HYDIN: variants seen among roughly 807,000 people sequenced by gnomAD.
HYDIN encodes the protein axonemal central pair apparatus protein HYDIN.
Under a neutral mutation model 403.9 loss-of-function variants are expected in HYDIN, and 132 were observed. The observed-to-expected ratio is 0.33, with a 90% CI of 0.28 to 0.38. The LOEUF (loss-of-function observed/expected upper bound fraction) is 0.38. Ranked by LOEUF, HYDIN falls within the 10% of genes least tolerant of loss-of-function variation. The probability of loss-of-function intolerance (pLI) is 1.00; values close to 1 mark genes in which losing one functional copy is unlikely to be tolerated. For missense variants in HYDIN, 2,827 were observed against 5,009.5 expected (o/e 0.56, Z 13.15); for synonymous variants, 1,202 against 1,891.7 (o/e 0.64, Z 9.46).
At chr16:70,968,694 A>C (rs1047322032) in intron 36 of HYDIN, among the ~76,000 whole-genome samples, 5 of 152,166 alleles carry the variant, frequency 3.3e-5, no homozygotes, top group Non-Finnish European at 5.9e-5. Context: ...AACAAAATTT[A>C]AATAAGGTCC....
At chr16:70,877,051 TATA>T (rs1454681604) in intron 62 of HYDIN, among the ~76,000 whole-genome samples, 2 of 150,600 alleles carry the variant, frequency 1.3e-5, no homozygotes, top group East Asian at 3.9e-4. Context: ...GACTGAAAAA[TATA>T]ATAACTTAAG....
chr16:71,040,685 A>G (rs1483953676), intron 18 of HYDIN, among the ~76,000 whole-genome samples: 1 of 112,074 alleles, frequency 8.9e-6, no homozygotes, highest in East Asian at 2.4e-4. Flanking sequence ...GCGGCCCACA[A>G]TCCAGACTGG....
At chr16:70,982,450 A>G (rs1157947624) in intron 28 of HYDIN, among the ~76,000 whole-genome samples, 3 of 150,432 alleles carry the variant, frequency 2.0e-5, no homozygotes, top group Non-Finnish European at 2.9e-5. Flanking sequence ...AGAAATGCCC[A>G]TTTATTTATT....
At chr16:71,175,519 C>T in intron 5 of HYDIN, 88 bp downstream of exon 5, 2 of 1,369,906 alleles carry the variant, frequency 1.5e-6, no homozygotes, top group Non-Finnish European at 2.0e-6. Context: ...CCACCACCAC[C>T]ACCAGCACTA....
intron 45 of HYDIN, 136 bp from the exon 46 acceptor site, chr16:70,921,353 T>G: frequency 9.6e-6 from 7 of 725,790 alleles, no homozygotes; most frequent in Non-Finnish European, 1.6e-5. Context: ...CACGCTAAGG[T>G]TGTGCCTGGG....
chr16:71,007,943 G>A (rs1182888452), intron 23 of HYDIN, among the ~76,000 whole-genome samples: 1 of 150,892 alleles, frequency 6.6e-6, no homozygotes, highest in African/African-American at 2.5e-5. Flanking sequence ...TAAAGAAAAT[G>A]TGGTACATAA....
intron 29 of HYDIN, among the ~76,000 whole-genome samples, chr16:70,981,108 A>G (rs1469642929): frequency 6.6e-6 from 1 of 151,954 alleles, no homozygotes; most frequent in Non-Finnish European, 1.5e-5. Context: ...GCCAGAAGGA[A>G]AGTGCATGGG....
chr16:71,158,647 G>C (rs1355005788), intron 6 of HYDIN, among the ~76,000 whole-genome samples: 1 of 143,192 alleles, frequency 7.0e-6, no homozygotes, highest in Non-Finnish European at 1.5e-5. Flanking sequence ...AATGGTGGTT[G>C]TGGGAGACCA....
At chr16:70,932,390 C>A (rs1279656998) in intron 45 of HYDIN, among the ~76,000 whole-genome samples, 12 of 151,942 alleles carry the variant, frequency 7.9e-5, no homozygotes. Flanking sequence ...CAAAAACATA[C>A]CCACACATAA....
At chr16:71,023,843 C>T (rs994035937) in intron 21 of HYDIN, among the ~76,000 whole-genome samples, 3 of 150,740 alleles carry the variant, frequency 2.0e-5, no homozygotes, top group East Asian at 1.9e-4. Context: ...ATGATGGAAT[C>T]CACTACCAAA....
intron 5 of HYDIN, among the ~76,000 whole-genome samples, chr16:71,169,968 T>C (rs1217393154): frequency 2.0e-5 from 3 of 152,214 alleles, no homozygotes; most frequent in Non-Finnish European, 2.9e-5. Flanking sequence ...CAAATAATTA[T>C]TTTTTTAAAT....
intron 1 of HYDIN, among the ~76,000 whole-genome samples, chr16:71,230,304 G>A (rs898902415): frequency 1.3e-5 from 2 of 152,210 alleles, no homozygotes; most frequent in African/African-American, 4.8e-5. Flanking sequence ...ATTCCAAGTT[G>A]GAAGCGAGGC....
intron 57 of HYDIN, 84 bp from the exon 58 acceptor site, chr16:70,889,788 C>A (rs2041365107): frequency 5.6e-6 from 4 of 715,334 alleles, no homozygotes; most frequent in Middle Eastern, 7.5e-4. Flanking sequence ...CTTGCAAGGG[C>A]CCTTCTCCCA....
chr16:71,033,752 C>T (rs185227743), intron 18 of HYDIN, among the ~76,000 whole-genome samples: 1 of 152,192 alleles, frequency 6.6e-6, no homozygotes, highest in East Asian at 1.9e-4. Flanking sequence ...ATGCAACAAA[C>T]CTGCACATCC....
At chr16:70,916,820 T>G (rs2076854295) in intron 47 of HYDIN, among the ~76,000 whole-genome samples, 1 of 152,170 alleles carries the variant, frequency 6.6e-6, no homozygotes, top group Admixed American at 6.5e-5. Flanking sequence ...CATTTCTTTT[T>G]CTTTTCTTTT....
At chr16:71,207,650 C>T (rs1598032159) in intron 1 of HYDIN, among the ~76,000 whole-genome samples, 1 of 152,096 alleles carries the variant, frequency 6.6e-6, no homozygotes, top group South Asian at 2.1e-4. Context: ...GAAGCAAGAC[C>T]CAATGGTATG....
rs533386176 is a variant in HYDIN, at chr16:70,959,072, G to T, written c.6142+575C>A. On this transcript the variant is annotated intron_variant, in intron 39 of 85. Transcript: ENST00000393567. ...TAAGATTTTTTTTTTCCCAATGTAGGTGATTCTGCTCCTTTGGGTTTATGG... is the reference window on the plus strand; with the variant it reads ...TAAGATTTTTTTTTTCCCAATGTAGTTGATTCTGCTCCTTTGGGTTTATGG... Among the ~76,000 whole-genome samples the T allele has an allele frequency of 1.1e-4, 17 of 152,120 alleles. No individual in the cohort carries two copies. In the South Asian group the frequency reaches 3.5e-3, roughly 32 times the overall value.
intron 23 of HYDIN, among the ~76,000 whole-genome samples, chr16:71,012,831 T>C (rs2080134009): frequency 1.3e-5 from 2 of 151,226 alleles, no homozygotes; most frequent in Non-Finnish European, 2.9e-5. Flanking sequence ...AGACAGTCTG[T>C]CTGGAAACCA....
At chr16:71,122,705 C>T (rs58906897) in intron 9 of HYDIN, among the ~76,000 whole-genome samples, 2 of 149,580 alleles carry the variant, frequency 1.3e-5, no homozygotes, top group Admixed American at 6.7e-5. Context: ...TGGAACAGCA[C>T]GTTTTCTGCA....
Sources: allele counts gnomAD v4.1 joint callset (sites outside exome capture counted in the v4.1 genomes callset), GRCh38; gene constraint gnomAD v4.1.1; transcripts MANE v1.5; gene names NCBI Gene and HGNC (gene_info 2026-07-23, HGNC 2026-07-21).